Variants in FIRRM observed in about 807,000 individuals in gnomAD.
The protein encoded by FIRRM is FIGNL1-interacting regulator of recombination and mitosis.
At chr1:169,843,644 T>G in the FIRRM span, 3 of 1,420,748 alleles carry the variant, frequency 2.1e-6, no homozygotes, top group Non-Finnish European at 3.0e-6. Context: ...GATTGAAAAT[T>G]TTTCTTCAAA....
chr1:169,789,019 A>G, the FIRRM span, among the ~76,000 whole-genome samples: 1 of 152,216 alleles, frequency 6.6e-6, no homozygotes, highest in Non-Finnish European at 1.5e-5. Context: ...CATCTGGGCT[A>G]TATAGAAGCT....
At chr1:169,796,223 G>A in the FIRRM span, among the ~76,000 whole-genome samples, 1 of 152,126 alleles carries the variant, frequency 6.6e-6, no homozygotes. Context: ...TCTTCAAGGA[G>A]TTTCAACTTG....
the FIRRM span, chr1:169,802,653 A>G: frequency 7.4e-6 from 12 of 1,612,656 alleles, no homozygotes; most frequent in African/African-American, 1.3e-5. Flanking sequence ...TGATGTATGA[A>G]TTAACCAGTC....
At chr1:169,784,111 T>G in the FIRRM span, among the ~76,000 whole-genome samples, 2 of 152,204 alleles carry the variant, frequency 1.3e-5, no homozygotes, top group Non-Finnish European at 2.9e-5. Flanking sequence ...TTAAGAATGC[T>G]AGAATGTTAT....
chr1:169,851,394 G>A, the FIRRM span: 8 of 155,014 alleles, frequency 5.2e-5, no homozygotes, highest in Non-Finnish European at 8.5e-5. Flanking sequence ...CCAGATTGGA[G>A]TGTGGTGGTG....
chr1:169,800,501 G>A, the FIRRM span, among the ~76,000 whole-genome samples: 2 of 152,048 alleles, frequency 1.3e-5, no homozygotes, highest in African/African-American at 2.4e-5. Flanking sequence ...TCTCATTTCC[G>A]TATATTCCTG....
At chr1:169,839,602 C>A in the FIRRM span, among the ~76,000 whole-genome samples, 2 of 152,058 alleles carry the variant, frequency 1.3e-5, no homozygotes, top group Non-Finnish European at 2.9e-5. Flanking sequence ...TTGTTTTTTA[C>A]TTGTTCAGGT....
At chr1:169,829,192 ATATTAT>A in the FIRRM span, 1 of 1,300,558 alleles carries the variant, frequency 7.7e-7, no homozygotes, top group Non-Finnish European at 1.0e-6. Context: ...TCCATGTTAC[ATATTAT>A]TATTATAATT....
the FIRRM span, chr1:169,792,987 A>G: frequency 1.2e-6 from 2 of 1,614,036 alleles, no homozygotes; most frequent in Non-Finnish European, 1.7e-6. Flanking sequence ...TCATCTTCCA[A>G]AGTGGAGTTA....
chr1:169,853,721 T>C, the FIRRM span: 1 of 1,613,734 alleles, frequency 6.2e-7, no homozygotes, highest in Non-Finnish European at 8.5e-7. Flanking sequence ...TGTCACCAGT[T>C]ATTATCTTCC....
the FIRRM span, among the ~76,000 whole-genome samples, chr1:169,819,810 G>C: frequency 1.3e-5 from 2 of 152,126 alleles, no homozygotes; most frequent in Non-Finnish European, 2.9e-5. Context: ...TTCATGGAGG[G>C]GAAGAGAATC....
At chr1:169,832,080 G>A in the FIRRM span, among the ~76,000 whole-genome samples, 2 of 152,232 alleles carry the variant, frequency 1.3e-5, no homozygotes, top group East Asian at 3.9e-4. Flanking sequence ...TTTTAATGAA[G>A]CTTCTGTCTT....
At chr1:169,841,905 C>T in the FIRRM span, among the ~76,000 whole-genome samples, 10 of 151,976 alleles carry the variant, frequency 6.6e-5, no homozygotes, top group Non-Finnish European at 1.3e-4. Context: ...TGGCTGGGTG[C>T]GGTGGCTCAT....
the FIRRM span, among the ~76,000 whole-genome samples, chr1:169,813,896 G>A: frequency 1.3e-5 from 2 of 152,216 alleles, no homozygotes; most frequent in Non-Finnish European, 2.9e-5. Context: ...CAGGCCTACA[G>A]AGAATTACAT....
At chr1:169,811,757 ATAATAGACAGATTATCTAAATAG>A in the FIRRM span, among the ~76,000 whole-genome samples, 1 of 151,384 alleles carries the variant, frequency 6.6e-6, no homozygotes, top group South Asian at 2.1e-4. Flanking sequence ...ATCTAAATAG[ATAATAGACAGATTATCTAAATAG>A]ATAATAGACA....
the FIRRM span, among the ~76,000 whole-genome samples, chr1:169,841,237 A>G: frequency 1.7e-4 from 26 of 152,314 alleles, no homozygotes; most frequent in African/African-American, 6.3e-4. Flanking sequence ...AATTCTGCTT[A>G]TGTGGTGAAT....
At chr1:169,829,217 G>GT in the FIRRM span, 1 of 1,423,432 alleles carries the variant, frequency 7.0e-7, no homozygotes, top group East Asian at 2.4e-5. Flanking sequence ...TTGCTAATTA[G>GT]TAAATGTTAT....
the FIRRM span, among the ~76,000 whole-genome samples, chr1:169,796,717 T>A: frequency 6.6e-6 from 1 of 152,244 alleles, no homozygotes; most frequent in Non-Finnish European, 1.5e-5. Flanking sequence ...TTTCCCTTTT[T>A]AAACCACTTT....
At chr1:169,790,468 G>A in the FIRRM span, among the ~76,000 whole-genome samples, 1 of 152,100 alleles carries the variant, frequency 6.6e-6, no homozygotes, top group African/African-American at 2.4e-5. Context: ...TTACAGGTGT[G>A]AGCCACCATG....
Sources: gnomAD v4.1 joint callset for allele counts (sites outside exome capture counted in the v4.1 genomes callset) on GRCh38, gnomAD v4.1.1 for gene constraint, MANE v1.5 for transcripts, NCBI Gene and HGNC (gene_info 2026-07-23, HGNC 2026-07-21) for gene names.